DAB1: variants seen among roughly 807,000 people sequenced by gnomAD.
DAB1 encodes the protein DAB adaptor protein 1, also known as disabled homolog 1.
A neutral mutation model predicts 64.6 loss-of-function variants in DAB1; 15 were observed. The observed-to-expected ratio is 0.23, with a 90% confidence interval of 0.16 to 0.36. The LOEUF (loss-of-function observed/expected upper bound fraction) is 0.36. Among genes scored for constraint, DAB1 ranks in the 10% least tolerant of loss-of-function variants. The pLI is 1.00. For missense variants in DAB1, 596 were observed against 706.7 expected, an observed-to-expected ratio of 0.84 and a Z score of 1.78; for synonymous variants, 235 against 251.9, an observed-to-expected ratio of 0.93 and a Z score of 0.64.
At chr1:57,103,463 T>C (rs1025627054) in intron 4 of DAB1, among the ~76,000 whole-genome samples, 5 of 152,110 alleles carry the variant, frequency 3.3e-5, no homozygotes, top group Non-Finnish European at 7.3e-5. Flanking sequence ...ACACGACTAA[T>C]CATCTACTGT....
intron 3 of DAB1, among the ~76,000 whole-genome samples, chr1:57,144,116 T>C (rs1242507627): frequency 4.6e-5 from 7 of 151,820 alleles, no homozygotes; most frequent in Non-Finnish European, 1.0e-4. Flanking sequence ...TGACACTGAT[T>C]GTCTTTGTGG....
chr1:57,225,695 T>G (rs1667211998), intron 2 of DAB1, among the ~76,000 whole-genome samples: 1 of 152,154 alleles, frequency 6.6e-6, no homozygotes, highest in Non-Finnish European at 1.5e-5. Context: ...TAGAGATACA[T>G]TCCTAAAAAG....
chr1:57,777,174 C>G (rs997717981), intron 6 of DAB1, among the ~76,000 whole-genome samples: 2 of 80,274 alleles, frequency 2.5e-5, no homozygotes, highest in Non-Finnish European at 4.8e-5. Context: ...TAAAAAAAAT[C>G]AGTGAACCTT....
At chr1:57,245,616 C>T (rs2100496025) in intron 2 of DAB1, among the ~76,000 whole-genome samples, 1 of 152,212 alleles carries the variant, frequency 6.6e-6, no homozygotes, top group Non-Finnish European at 1.5e-5. Flanking sequence ...TGAACTCATC[C>T]TTTTTTATGA....
At chr1:57,192,819 A>C (rs918935530) in intron 2 of DAB1, among the ~76,000 whole-genome samples, 1 of 152,138 alleles carries the variant, frequency 6.6e-6, no homozygotes, top group Non-Finnish European at 1.5e-5. Context: ...ATATCATGAA[A>C]TTCATCATTT....
intron 3 of DAB1, among the ~76,000 whole-genome samples, chr1:58,499,273 A>C (rs1645856980): frequency 7.0e-6 from 1 of 143,686 alleles, no homozygotes; most frequent in South Asian, 2.4e-4. Flanking sequence ...AAAAGTATGA[A>C]GTTTTGCCAG....
chr1:58,413,079 T>C (rs1302257444), intron 3 of DAB1, among the ~76,000 whole-genome samples: 1 of 152,232 alleles, frequency 6.6e-6, no homozygotes, highest in East Asian at 1.9e-4. Flanking sequence ...GGACATCATT[T>C]ATAAAATGAG....
At chr1:57,721,253 A>C (rs1647147067) in intron 6 of DAB1, among the ~76,000 whole-genome samples, 1 of 152,168 alleles carries the variant, frequency 6.6e-6, no homozygotes, top group African/African-American at 2.4e-5. Flanking sequence ...TGGAGATCAC[A>C]CCCTACCAGT....
rs573400102 is a variant in DAB1, at chr1:57,940,102, G to A, written n.388-55940C>T. ...AGGAAGTAGAACTCCAGGAAATGCT[G>A]AATGTGCAGGCTTCTCTGCTTCTAC... On this transcript the variant is annotated intron_variant and non_coding_transcript_variant, in intron 5 of 20. Transcript: ENST00000485760. Among the ~76,000 whole-genome samples the A allele has an allele frequency of 1.4e-3, 212 of 152,342 alleles. 1 individual carries two copies. Among genetic ancestry groups the A allele is most frequent in the African/African-American group, 4.9e-3 (205 of 41,566 alleles).
intron 6 of DAB1, among the ~76,000 whole-genome samples, chr1:57,739,405 A>G (rs1369864149): frequency 2.5e-5 from 2 of 79,552 alleles, no homozygotes; most frequent in Admixed American, 1.8e-4. Context: ...CTATGCACCA[A>G]CTTCTCATAT....
intron 4 of DAB1, among the ~76,000 whole-genome samples, chr1:58,229,442 G>A (rs747683873): frequency 1.3e-5 from 2 of 152,170 alleles, no homozygotes; most frequent in African/African-American, 4.8e-5. Flanking sequence ...TTGGAACCAG[G>A]TCCTGTGTAG....
At chr1:58,452,244 T>C (rs1003253032) in intron 3 of DAB1, among the ~76,000 whole-genome samples, 5 of 152,096 alleles carry the variant, frequency 3.3e-5, no homozygotes, top group Admixed American at 6.5e-5. Flanking sequence ...TGCATCCTTT[T>C]TTTTTAAAGG....
intron 1 of DAB1, among the ~76,000 whole-genome samples, chr1:57,321,702 G>C (rs1260382374): frequency 2.0e-5 from 3 of 152,050 alleles, no homozygotes; most frequent in Non-Finnish European, 4.4e-5. Context: ...CTATAAAATG[G>C]GAGTAATAGC....
chr1:57,187,341 T>C lies in DAB1; in HGVS notation c.68-41912A>G, dbSNP rs960899465. Among the ~76,000 whole-genome samples, 8 of 152,228 alleles carry C rather than the reference T, an allele frequency of 5.3e-5. No homozygotes were observed. The East Asian group carries it at 5.8e-4, about 11-fold the overall frequency. ...TTATCTAACAACATTCCTTATTATG[T>C]AGACATCTTTATAAATCTCCTCACA... On this transcript the variant is annotated intron_variant, in intron 2 of 14. Transcript: ENST00000371236.
intron 5 of DAB1, among the ~76,000 whole-genome samples, chr1:57,917,927 G>C (rs1644751139): frequency 6.6e-6 from 1 of 152,022 alleles, no homozygotes; most frequent in African/African-American, 2.4e-5. Context: ...TCCTAGCCAG[G>C]CATGGTGGTG....
At chr1:57,397,219 T>G (rs1295381459) in intron 1 of DAB1, among the ~76,000 whole-genome samples, 2 of 152,106 alleles carry the variant, frequency 1.3e-5, no homozygotes, top group Non-Finnish European at 2.9e-5. Flanking sequence ...AAAACCTGCC[T>G]CCTCTAACCT....
intron 1 of DAB1, among the ~76,000 whole-genome samples, chr1:57,360,039 T>A (rs901224138): frequency 6.6e-6 from 1 of 152,038 alleles, no homozygotes; most frequent in Non-Finnish European, 1.5e-5. Flanking sequence ...GCAAGGTGAC[T>A]ATAGTTAATA....
chr1:57,689,581 T>C (rs773215170), intron 6 of DAB1, among the ~76,000 whole-genome samples: 1 of 152,170 alleles, frequency 6.6e-6, no homozygotes, highest in Non-Finnish European at 1.5e-5. Context: ...GTGCTCATCG[T>C]TACCTAGTAA....
chr1:57,340,832 C>T (rs894186521), intron 1 of DAB1, among the ~76,000 whole-genome samples: 17 of 152,282 alleles, frequency 1.1e-4, no homozygotes, highest in African/African-American at 4.1e-4. Context: ...GATGCCAGCA[C>T]CTGGGCTCTG....
Sources: gnomAD v4.1 joint callset for allele counts (sites outside exome capture counted in the v4.1 genomes callset) on GRCh38, gnomAD v4.1.1 for gene constraint, MANE v1.5 for transcripts, NCBI Gene and HGNC (gene_info 2026-07-23, HGNC 2026-07-21) for gene names.